Variants in HPS3 observed in about 807,000 individuals in gnomAD.
HPS3 encodes the protein BLOC-2 complex member HPS3.
A neutral mutation model predicts 110.9 loss-of-function variants in HPS3; 79 were observed. The ratio of observed to expected loss-of-function variants is 0.71; its 90% CI spans 0.59 to 0.86. The LOEUF is 0.86. Among genes scored for constraint, HPS3 ranks in the 40% least tolerant of loss-of-function variants. The probability of loss-of-function intolerance (pLI) is 0.00; values close to 1 mark genes in which losing one functional copy is unlikely to be tolerated. For synonymous variants in HPS3, 428 were observed against 451.0 expected (o/e 0.95, Z 0.65); for missense variants, 1,197 against 1,206.2 (o/e 0.99, Z 0.11).
At chr3:149,158,511 G>A (rs1307944851) in intron 9 of HPS3, among the ~76,000 whole-genome samples, 155 bp from the exon 10 acceptor site, 1 of 152,186 alleles carries the variant, frequency 6.6e-6, no homozygotes, top group Non-Finnish European at 1.5e-5. Flanking sequence ...AATTTGACTA[G>A]GCATGGTGGC....
At chr3:149,130,016 C>G (rs1033259830) in intron 1 of HPS3, 76 bp downstream of exon 1, 1 of 1,365,310 alleles carries the variant, frequency 7.3e-7, no homozygotes, top group East Asian at 2.5e-5. Context: ...AACGTCTGGG[C>G]TGTAGCTCTA....
intron 6 of HPS3, among the ~76,000 whole-genome samples, chr3:149,151,205 T>TATTA (rs1553753126): frequency 4.8e-4 from 66 of 137,520 alleles, no homozygotes; most frequent in African/African-American, 1.7e-3. Context: ...TTATTATTAT[T>TATTA]TTTTTTTCTG....
At chr3:149,163,784 TG>T in intron 13 of HPS3, 57 bp from the exon 14 acceptor site, 1 of 918,276 alleles carries the variant, frequency 1.1e-6, no homozygotes. Context: ...CTTTGTGGAA[TG>T]GATAAGCAAG....
chr3:149,166,599 C>T (rs1304541353), intron 14 of HPS3, among the ~76,000 whole-genome samples: 1 of 152,122 alleles, frequency 6.6e-6, no homozygotes, highest in Non-Finnish European at 1.5e-5. Flanking sequence ...GTTCCATTAT[C>T]TGAGTGTGCC....
chr3:149,158,638 T>A, intron 9 of HPS3, 28 bp from the exon 10 acceptor site: 3 of 1,605,084 alleles, frequency 1.9e-6, no homozygotes, highest in Non-Finnish European at 2.6e-6. Flanking sequence ...AGTGACAAAT[T>A]TGAGGTTTTT....
chr3:149,163,271 G>A (rs1248693436), intron 13 of HPS3, among the ~76,000 whole-genome samples: 2 of 152,166 alleles, frequency 1.3e-5, no homozygotes, highest in Non-Finnish European at 2.9e-5. Context: ...GCTGTGGGAG[G>A]GAGACTGCCT....
rs760542432 is a variant in HPS3, at chr3:149,153,621, A to G, written c.1373A>G (p.Glu458Gly). The part of the protein sequence containing the change: ...LTKAEPEAIP[E>G]RRQSPKRLLS... ...AAAGCAGAACCTGAAGCCATTCCAG[A>G]GAGAAGACAGTCACCCAAGAGGCTT... The change falls in exon 7 of 17, where the codon GAG (glutamate) becomes GGG (glycine). Residue 458 changes from glutamate (E) to glycine (G), a missense_variant. Transcript: ENST00000296051. The G allele has an allele frequency of 6.2e-7, 1 of 1,614,226 alleles. No homozygotes were observed. Among genetic ancestry groups the G allele is most frequent in the Admixed American group, 1.7e-5 (1 of 60,032 alleles).
intron 16 of HPS3, among the ~76,000 whole-genome samples, chr3:149,169,365 G>A (rs1724754841): frequency 6.6e-6 from 1 of 152,156 alleles, no homozygotes; most frequent in Admixed American, 6.5e-5. Context: ...GAGCAACCCA[G>A]TTTTCTAATG....
Position 149,153,489 on chromosome 3 carries a change from A to C in HPS3, c.1246-5A>C. ...TTGCTTAAATATGTGATTTTCCTTT[A>C]CTAGGCTTGCCCACCTGTCAGTATG... is the stretch of plus-strand genomic sequence containing the variant. On this transcript the variant is annotated splice_polypyrimidine_tract_variant and splice_region_variant and intron_variant, in intron 6 of 16. Coordinates refer to ENST00000296051, the MANE Select transcript of HPS3 (RefSeq NM_032383.5). 1 of 1,612,844 alleles carries C rather than the reference A, an allele frequency of 6.2e-7. No individual in the cohort carries two copies. Among genetic ancestry groups the C allele is most frequent in the South Asian group, 1.1e-5 (1 of 91,048 alleles).
chr3:149,137,459 ATTCCAC>A (rs1274259582), intron 1 of HPS3, among the ~76,000 whole-genome samples: 1 of 152,238 alleles, frequency 6.6e-6, no homozygotes, highest in African/African-American at 2.4e-5. Flanking sequence ...TGATCCAGCA[ATTCCAC>A]TTCTGGGTGT....
intron 1 of HPS3, among the ~76,000 whole-genome samples, chr3:149,138,155 T>C (rs984534028): frequency 1.3e-5 from 2 of 152,106 alleles, no homozygotes; most frequent in African/African-American, 4.8e-5. Flanking sequence ...AGGTTCAGGC[T>C]CCATCTCTGT....
intron 2 of HPS3, 136 bp from the exon 3 acceptor site, chr3:149,140,881 T>G: frequency 1.3e-6 from 1 of 788,428 alleles, no homozygotes; most frequent in Non-Finnish European, 2.1e-6. Context: ...AAGTGCTAAG[T>G]CTTTTCACAA....
Position 149,162,712 on chromosome 3 carries a change from A to C in HPS3, c.2315A>C (p.Asp772Ala), listed in dbSNP as rs752917772. Residue 772 changes from aspartate (D) to alanine (A), a missense_variant, in exon 13 of 17, where the codon GAT becomes GCT. Coordinates refer to ENST00000296051, the MANE Select transcript of HPS3 (RefSeq NM_032383.5). The part of the protein sequence containing the change: ...FFKVLCAKDE[D>A]TIPQLLVDFW... ...AAGGTGCTTTGTGCTAAGGATGAAGATACAATTCCTCAGCTCTTGGTAGAC... is the reference window on the plus strand; with the variant it reads ...AAGGTGCTTTGTGCTAAGGATGAAGCTACAATTCCTCAGCTCTTGGTAGAC... The C allele has an allele frequency of 8.1e-6, 13 of 1,614,020 alleles. No individual in the cohort carries two copies. The highest frequency in any genetic ancestry group is 1.1e-5 in the Non-Finnish European group (13 of 1,179,942).
chr3:149,141,427 G>A, intron 4 of HPS3, 47 bp downstream of exon 4: 1 of 1,484,664 alleles, frequency 6.7e-7, no homozygotes, highest in South Asian at 1.1e-5. Context: ...AGGTGAAAAT[G>A]CTCTGTCTGG....
rs113015797 is a variant in HPS3 at position 149,172,318 on chromosome 3, T to TCACACACACACA, written c.*123_*134dup. On this transcript the variant is annotated 3_prime_UTR_variant, in exon 17 of 17. Coordinates refer to ENST00000296051, the MANE Select transcript of HPS3 (RefSeq NM_032383.5). The stretch of plus-strand genomic sequence containing the variant: ...GTAGAGGAGTTTTTTATTTTATATA[T>TCACACACACACA]CACACACACACACACACACACACAC... 7,150 of 571,072 alleles carry TCACACACACACA rather than the reference T, an allele frequency of 0.013. 78 individuals are homozygous for TCACACACACACA. Among genetic ancestry groups the TCACACACACACA allele is most frequent in the African/African-American group, 0.044 (2,190 of 49,394 alleles). The allele number at this position is 571,072 out of a possible 1,614,324, so 35.4% of individuals were successfully genotyped here.
chr3:149,140,316 G>A lies in HPS3; in HGVS notation c.530G>A (p.Arg177His), dbSNP rs752988768. The A allele has an allele frequency of 1.1e-5, 18 of 1,613,328 alleles. No individual in the cohort carries two copies. The highest frequency in any genetic ancestry group is 4.5e-5 in the East Asian group (2 of 44,892). The change falls in exon 2 of 17, where the codon CGT becomes CAT. Residue 177 changes from arginine (R) to histidine (H), a missense_variant. Physicochemically the swap from Arg to His is conservative, Grantham distance 29. Transcript: ENST00000296051. ...GAATTCTCACTATTGGACTTTGAAC[G>A]TTCTTTAATTATACACATAGATAAT... is the stretch of plus-strand genomic sequence containing the variant. ...NEEFSLLDFE[R>H]SLIIHIDNIT...
At position 149,147,074 on chromosome 3, in the gene HPS3, G is replaced by T. The variant is rs553711463; in HGVS notation, c.1163+1528G>T. Among the ~76,000 whole-genome samples, 7 of 152,254 alleles carry T rather than the reference G, an allele frequency of 4.6e-5. No individual in the cohort carries two copies. In the East Asian group the frequency reaches 7.7e-4, roughly 17 times the overall value. ...GGAGAAGGGAGGATGCATGGGAGAG[G>T]CTTCAGTGGGAAAGTTAAAAGACTT... On this transcript the variant is annotated intron_variant, in intron 5 of 16. Coordinates refer to ENST00000296051, the MANE Select transcript of HPS3 (RefSeq NM_032383.5).
Position 149,153,506 on chromosome 3 carries a change from G to C in HPS3, c.1258G>C (p.Val420Leu). Reference sequence around the variant, plus strand: ...TTTCCTTTACTAGGCTTGCCCACCTGTCAGTATGGATGTCTGTGCTTTAAG... The same window carrying C: ...TTTCCTTTACTAGGCTTGCCCACCTCTCAGTATGGATGTCTGTGCTTTAAG... ...MDTTLKACPP[V>L]SMDVCALRIQ... The change falls in exon 7 of 17, where the codon GTC becomes CTC. Residue 420 changes from valine (V) to leucine (L), a missense_variant. Val to Leu is a conservative substitution (Grantham distance 32). Transcript: ENST00000296051. 6.2e-7 allele frequency: 1 copy of C among 1,613,936 alleles called. No individual in the cohort carries two copies. The highest frequency in any genetic ancestry group is 1.1e-5 in the South Asian group (1 of 91,080).
chr3:149,170,852 T>C (rs1373976007), intron 16 of HPS3, among the ~76,000 whole-genome samples: 4 of 152,186 alleles, frequency 2.6e-5, no homozygotes, highest in Non-Finnish European at 5.9e-5. Context: ...TAAGACCAAG[T>C]GGATGTTTAT....
Sources: allele counts gnomAD v4.1 joint callset (sites outside exome capture counted in the v4.1 genomes callset), GRCh38; gene constraint gnomAD v4.1.1; transcripts MANE v1.5; gene names NCBI Gene and HGNC (gene_info 2026-07-23, HGNC 2026-07-21).